GLIPR1L2: variants seen among roughly 807,000 people sequenced by gnomAD.
GLIPR1L2 encodes the protein GLIPR1-like protein 2.
In GLIPR1L2, 21 loss-of-function variants were observed where a neutral mutation model predicts 28.4. The ratio of observed to expected loss-of-function variants is 0.74; its 90% CI spans 0.52 to 1.06. The LOEUF (loss-of-function observed/expected upper bound fraction) is 1.06. Ranked by LOEUF, GLIPR1L2 falls within the 50% of genes least tolerant of loss-of-function variation. The pLI is 0.00. For synonymous variants in GLIPR1L2, 145 were observed against 139.3 expected (o/e 1.04, Z -0.29); for missense variants, 476 against 416.9 (o/e 1.14, Z -1.23).
At chr12:75,393,024 C>T (rs1039396879) in intron 1 of GLIPR1L2, among the ~76,000 whole-genome samples, 7 of 151,806 alleles carry the variant, frequency 4.6e-5, no homozygotes, top group Non-Finnish European at 7.4e-5. Flanking sequence ...TATTTAAACT[C>T]TTTTATTGGT....
chr12:75,405,093 GT>G (rs977632801), intron 1 of GLIPR1L2, among the ~76,000 whole-genome samples: 6 of 152,088 alleles, frequency 3.9e-5, no homozygotes, highest in Non-Finnish European at 4.4e-5. Context: ...TTACTTCCTA[GT>G]TTTTCTCTGT....
intron 3 of GLIPR1L2, among the ~76,000 whole-genome samples, chr12:75,419,822 G>A (rs1172411880): frequency 6.6e-6 from 1 of 152,152 alleles, no homozygotes; most frequent in Non-Finnish European, 1.5e-5. Context: ...AAACAACAGA[G>A]TTCATACTTT....
chr12:75,416,657 G>A (rs2045926444), intron 3 of GLIPR1L2, among the ~76,000 whole-genome samples: 1 of 151,896 alleles, frequency 6.6e-6, no homozygotes, highest in Admixed American at 6.6e-5. Context: ...TGAGATGAAG[G>A]TATTTGGTGA....
chr12:75,404,434 CT>C (rs895641919), intron 1 of GLIPR1L2, among the ~76,000 whole-genome samples: 1 of 152,024 alleles, frequency 6.6e-6, no homozygotes, highest in African/African-American at 2.4e-5. Flanking sequence ...CCAAATAAGA[CT>C]GGTTTAGTAA....
rs749831623 is a variant in GLIPR1L2, at chr12:75,431,116, G to A, written c.990G>A (p.Glu330=). 3.0e-6 allele frequency: 3 copies of A among 997,258 alleles called. No individual in the cohort carries two copies. The highest frequency in any genetic ancestry group is 4.5e-6 in the Non-Finnish European group (3 of 662,786). The allele number at this position is 997,258 out of a possible 1,614,324, so 61.8% of individuals were successfully genotyped here. A position where few individuals can be genotyped will look rare whatever the true frequency, so the allele number is the denominator to read the frequency against. ...MEEEKEEREE[E]EEETQKEKME... is the part of the protein sequence containing the mutation. ...AGGAAAAAGAAGAGAGAGAGGAGGA[G>A]GAGGAGGAAACACAAAAAGAAAAGA... The change falls in exon 6 of 6, where the codon GAG becomes GAA. Residue 330 remains glutamate, a synonymous_variant. Coordinates refer to ENST00000550916, the MANE Select transcript of GLIPR1L2 (RefSeq NM_001270396.2).
chr12:75,410,738 TTTA>T, intron 2 of GLIPR1L2, 59 bp downstream of exon 2: 1 of 1,249,472 alleles, frequency 8.0e-7, no homozygotes, highest in Non-Finnish European at 1.1e-6. Flanking sequence ...TATGCCTGGT[TTTA>T]TTATGTTTCA....
Position 75,391,093 on chromosome 12 carries a change from T to G in GLIPR1L2, c.-24T>G, listed in dbSNP as rs774080909. 1 of 1,558,874 alleles carries G rather than the reference T, an allele frequency of 6.4e-7. No homozygotes were observed. The highest frequency in any genetic ancestry group is 1.4e-5 in the African/African-American group (1 of 73,590). On this transcript the variant is annotated 5_prime_UTR_variant, in exon 1 of 6. Coordinates refer to ENST00000550916, the MANE Select transcript of GLIPR1L2 (RefSeq NM_001270396.2). ...ACTGGGACGGCCAGCGCGTGCGCAC[T>G]GGCCTGTCAGCGGCCGGTGGACCAT...
At chr12:75,407,881 A>C (rs1241444609) in intron 1 of GLIPR1L2, among the ~76,000 whole-genome samples, 1 of 152,070 alleles carries the variant, frequency 6.6e-6, no homozygotes, top group Non-Finnish European at 1.5e-5. Context: ...TTAATTAATC[A>C]CTTAAAATCA....
Position 75,413,805 on chromosome 12 carries a change from TAA to T in GLIPR1L2, c.584+106_584+107del, listed in dbSNP as rs2139948486. ...TTATAAGTGTTTTTGAACTATAAAATAAATATACTTTACATTGAAATATTTTC... is the reference window on the plus strand; with the variant it reads ...TTATAAGTGTTTTTGAACTATAAAATATATACTTTACATTGAAATATTTTC... On this transcript the variant is annotated intron_variant, in intron 3 of 5. Coordinates refer to ENST00000550916, the MANE Select transcript of GLIPR1L2 (RefSeq NM_001270396.2). 5.9e-6 allele frequency: 3 copies of T among 508,332 alleles called. No individual in the cohort carries two copies. The East Asian group carries it at 1.0e-4, about 18-fold the overall frequency. 31.5% of individuals were successfully genotyped at this position (508,332 alleles called of 1,614,324 possible).
intron 2 of GLIPR1L2, 51 bp from the exon 3 acceptor site, chr12:75,413,547 A>G (rs2045892959): frequency 2.1e-6 from 2 of 967,990 alleles, no homozygotes; most frequent in Non-Finnish European, 1.6e-6. Flanking sequence ...ATAATATGAA[A>G]GTCAATGTTT....
chr12:75,414,512 C>G (rs1009428169), intron 3 of GLIPR1L2, among the ~76,000 whole-genome samples: 1 of 152,002 alleles, frequency 6.6e-6, no homozygotes, highest in Admixed American at 6.6e-5. Flanking sequence ...TTGTATTCCC[C>G]TGGCTAAGAA....
At chr12:75,428,574 T>C (rs957651192) in intron 4 of GLIPR1L2, among the ~76,000 whole-genome samples, 4 of 152,264 alleles carry the variant, frequency 2.6e-5, no homozygotes, top group Non-Finnish European at 4.4e-5. Flanking sequence ...GAAATTTGCA[T>C]AAGTAACAAG....
rs1168122337 is a variant in GLIPR1L2 at position 75,429,842 on chromosome 12, C to G, written c.671-873C>G. On this transcript the variant is annotated intron_variant, in intron 4 of 5. Transcript: ENST00000550916. ...ACCATGTAAGATGTGCCTTGTTTCC[C>G]CTTCACCTTCCACCATGATTTTAAA... Among the ~76,000 whole-genome samples the G allele has an allele frequency of 5.9e-5, 9 of 152,112 alleles. 1 individual carries two copies. The highest frequency in any genetic ancestry group is 4.6e-4 in the Admixed American group (7 of 15,280).
At chr12:75,425,194 G>A (rs1280680998) in intron 4 of GLIPR1L2, among the ~76,000 whole-genome samples, 1 of 152,164 alleles carries the variant, frequency 6.6e-6, no homozygotes, top group Non-Finnish European at 1.5e-5. Flanking sequence ...CAGGCAAGGT[G>A]AGGAGAGCAT....
chr12:75,431,099 GAA>G lies in GLIPR1L2; in HGVS notation c.974_975del (p.Glu325GlyfsTer51). The G allele has an allele frequency of 1.7e-6, 2 of 1,165,244 alleles. No individual in the cohort carries two copies. Among genetic ancestry groups the G allele is most frequent in the Non-Finnish European group, 2.5e-6 (2 of 810,162 alleles). The allele number at this position is 1,165,244 out of a possible 1,614,324, so 72.2% of individuals were successfully genotyped here. The stretch of plus-strand genomic sequence containing the variant: ...AATAATGGAAATGGAGGAGGAAAAA[GAA>G]GAGAGAGAGGAGGAGGAGGAGGAAA... ...MEIMEMEEEK[E>X]EREEEEEETQ... On this transcript the variant is annotated frameshift_variant, in exon 6 of 6. Transcript: ENST00000550916. LOFTEE classifies it low-confidence loss of function (END_TRUNC).
intron 1 of GLIPR1L2, among the ~76,000 whole-genome samples, chr12:75,402,380 A>G (rs1400039631): frequency 1.3e-5 from 2 of 152,218 alleles, no homozygotes; most frequent in Non-Finnish European, 2.9e-5. Flanking sequence ...TGTTTAAAAA[A>G]TGGAAGATTC....
chr12:75,420,826 G>C (rs539325556), intron 3 of GLIPR1L2, among the ~76,000 whole-genome samples: 1 of 152,216 alleles, frequency 6.6e-6, no homozygotes, highest in African/African-American at 2.4e-5. Context: ...ATTTCTGGCT[G>C]TCTAATAGAA....
intron 3 of GLIPR1L2, among the ~76,000 whole-genome samples, chr12:75,421,559 T>G (rs570599219): frequency 1.3e-4 from 20 of 152,302 alleles, no homozygotes; most frequent in African/African-American, 4.8e-4. Flanking sequence ...GCAATACTGA[T>G]TAAATTACCA....
At position 75,391,098 on chromosome 12, in the gene GLIPR1L2, T is replaced by A; in HGVS notation, c.-19T>A. ...GACGGCCAGCGCGTGCGCACTGGCC[T>A]GTCAGCGGCCGGTGGACCATGGAGG... On this transcript the variant is annotated 5_prime_UTR_variant, in exon 1 of 6. Transcript: ENST00000550916. The A allele has an allele frequency of 6.3e-7, 1 of 1,581,056 alleles. No homozygotes were observed. The highest frequency in any genetic ancestry group is 1.3e-5 in the African/African-American group (1 of 74,266).
Sources: gnomAD v4.1 joint callset for allele counts (sites outside exome capture counted in the v4.1 genomes callset) on GRCh38, gnomAD v4.1.1 for gene constraint, MANE v1.5 for transcripts, NCBI Gene and HGNC (gene_info 2026-07-23, HGNC 2026-07-21) for gene names.